The following ERC2 variants were observed in gnomAD, a reference collection of about 807,000 sequenced individuals.
The protein encoded by ERC2 is ELKS/RAB6-interacting/CAST family member 2.
In ERC2, 42 loss-of-function variants were observed where a neutral mutation model predicts 114.8. That is an observed-to-expected ratio of 0.37 (90% CI 0.29 to 0.47). The LOEUF (loss-of-function observed/expected upper bound fraction) is 0.47, where lower values mean the gene tolerates loss of function less well. Among genes scored for constraint, ERC2 ranks in the 20% least tolerant of loss-of-function variants. The pLI, the probability that ERC2 is intolerant of heterozygous loss-of-function variation, is 0.99. For missense variants in ERC2, 939 were observed against 1,150.7 expected, an observed-to-expected ratio of 0.82 and a Z score of 2.66; for synonymous variants, 454 against 425.5, an observed-to-expected ratio of 1.07 and a Z score of -0.82.
chr3:56,311,251 C>CTATATA (rs1223217065), intron 2 of ERC2, among the ~76,000 whole-genome samples: 1 of 42,778 alleles, frequency 2.3e-5, no homozygotes, highest in African/African-American at 7.4e-5. Context: ...CTCTCTCTCT[C>CTATATA]TCTCTATATA....
chr3:55,565,924 A>T (rs553990128), intron 17 of ERC2, among the ~76,000 whole-genome samples: 70 of 152,376 alleles, frequency 4.6e-4, no homozygotes, highest in Non-Finnish European at 7.6e-4. Context: ...TAAGTTTCAA[A>T]TCCAAAACTA....
intron 7 of ERC2, among the ~76,000 whole-genome samples, chr3:56,038,431 C>A (rs1320729278): frequency 6.6e-6 from 1 of 152,046 alleles, no homozygotes; most frequent in Non-Finnish European, 1.5e-5. Flanking sequence ...AATCAAGAAA[C>A]AACAGATGCT....
At chr3:55,979,792 T>A (rs926402482) in intron 12 of ERC2, among the ~76,000 whole-genome samples, 65 of 149,810 alleles carry the variant, frequency 4.3e-4, no homozygotes, top group Non-Finnish European at 1.6e-4. Flanking sequence ...AAAAAAAAAA[T>A]TCAATTAGCT....
intron 15 of ERC2, among the ~76,000 whole-genome samples, chr3:55,734,397 C>G (rs149006075): frequency 6.6e-6 from 1 of 152,152 alleles, no homozygotes; most frequent in South Asian, 2.1e-4. Context: ...ATGAGCAAGA[C>G]GGAAGGTAAC....
At chr3:55,805,685 T>C (rs1174856188) in intron 14 of ERC2, among the ~76,000 whole-genome samples, 1 of 151,900 alleles carries the variant, frequency 6.6e-6, no homozygotes, top group African/African-American at 2.4e-5. Context: ...ACAACAAAGA[T>C]AGAAGTTTAG....
At chr3:56,041,439 G>GA (rs1187269792) in intron 7 of ERC2, among the ~76,000 whole-genome samples, 1 of 152,162 alleles carries the variant, frequency 6.6e-6, no homozygotes, top group Non-Finnish European at 1.5e-5. Context: ...ACTTCTGGCA[G>GA]ATGTAAGACA....
chr3:56,292,360 G>T (rs900534987), intron 3 of ERC2, among the ~76,000 whole-genome samples: 4 of 150,128 alleles, frequency 2.7e-5, no homozygotes, highest in African/African-American at 9.8e-5. Flanking sequence ...GAGGCAGGCA[G>T]ATCGCTTGAG....
intron 10 of ERC2, among the ~76,000 whole-genome samples, chr3:56,006,471 C>A (rs76983730): frequency 0.039 from 5,927 of 152,050 alleles, 256 homozygotes; most frequent in African/African-American, 0.11. Flanking sequence ...AATGCTTAAA[C>A]TCATAATGTT....
At chr3:56,289,168 C>G (rs553996976) in intron 3 of ERC2, among the ~76,000 whole-genome samples, 2 of 152,064 alleles carry the variant, frequency 1.3e-5, no homozygotes, top group Non-Finnish European at 2.9e-5. Flanking sequence ...TGCTGACAAC[C>G]CTTGCCTGCC....
At chr3:55,641,057 C>T (rs924563184) in intron 17 of ERC2, among the ~76,000 whole-genome samples, 1 of 152,144 alleles carries the variant, frequency 6.6e-6, no homozygotes, top group African/African-American at 2.4e-5. Flanking sequence ...GTCCATACTG[C>T]TATATAAGCA....
chr3:55,700,703 A>G (rs2063179987), intron 15 of ERC2, among the ~76,000 whole-genome samples: 1 of 151,928 alleles, frequency 6.6e-6, no homozygotes, highest in Non-Finnish European at 1.5e-5. Context: ...AAACTATTTA[A>G]TCTAGGAGCC....
chr3:56,463,583 T>C (rs2107584453), intron 1 of ERC2, among the ~76,000 whole-genome samples: 1 of 152,338 alleles, frequency 6.6e-6, no homozygotes, highest in South Asian at 2.1e-4. Flanking sequence ...CAATATTAAA[T>C]ATCTTATGGA....
At chr3:56,301,103 G>A (rs746686775) in intron 2 of ERC2, among the ~76,000 whole-genome samples, 45 of 151,902 alleles carry the variant, frequency 3.0e-4, no homozygotes, top group Non-Finnish European at 1.6e-4. Flanking sequence ...GAAAGAATTA[G>A]CCATCCTAAC....
chr3:55,743,576 C>T (rs1217685384), intron 14 of ERC2, among the ~76,000 whole-genome samples: 28 of 116,196 alleles, frequency 2.4e-4, no homozygotes, highest in Non-Finnish European at 4.9e-5. Flanking sequence ...TTGCTCATTA[C>T]TATGTGCCTG....
At chr3:55,680,404 A>G (rs1048326980) in intron 17 of ERC2, among the ~76,000 whole-genome samples, 3 of 152,188 alleles carry the variant, frequency 2.0e-5, no homozygotes, top group East Asian at 3.8e-4. Context: ...TGCCTACCTC[A>G]TTGATGTTCG....
At chr3:56,359,246 T>G (rs1182231499) in intron 2 of ERC2, among the ~76,000 whole-genome samples, 1 of 152,192 alleles carries the variant, frequency 6.6e-6, no homozygotes, top group Non-Finnish European at 1.5e-5. Flanking sequence ...CTTCTCAATT[T>G]CCTTTTTCCT....
intron 3 of ERC2, among the ~76,000 whole-genome samples, chr3:56,289,166 AC>A (rs1275960918): frequency 6.6e-6 from 1 of 151,702 alleles, no homozygotes; most frequent in Non-Finnish European, 1.5e-5. Flanking sequence ...CCTGCTGACA[AC>A]CCTTGCCTGC....
chr3:55,640,679 G>A lies in ERC2; in HGVS notation c.*39+43115C>T, dbSNP rs554644873. Reference sequence around the variant, plus strand: ...TGAGAGGGGACAGAAGACCATATGAGAAAGTAGAAGACAAACATCCTGATT... The same window carrying A: ...TGAGAGGGGACAGAAGACCATATGAAAAAGTAGAAGACAAACATCCTGATT... On this transcript the variant is annotated intron_variant, in intron 17 of 17. Coordinates refer to ENST00000288221, the MANE Select transcript of ERC2 (RefSeq NM_015576.3). Among the ~76,000 whole-genome samples the A allele has an allele frequency of 5.3e-5, 8 of 152,296 alleles. No individual in the cohort carries two copies. The South Asian group carries it at 1.7e-3, about 32-fold the overall frequency.
chr3:56,218,885 A>G (rs555790363), intron 3 of ERC2, among the ~76,000 whole-genome samples: 1 of 152,264 alleles, frequency 6.6e-6, no homozygotes, highest in Non-Finnish European at 1.5e-5. Context: ...AAACTATCGC[A>G]AGGACAAAAA....
Sources: gnomAD v4.1 joint callset for allele counts (sites outside exome capture counted in the v4.1 genomes callset) on GRCh38, gnomAD v4.1.1 for gene constraint, MANE v1.5 for transcripts, NCBI Gene and HGNC (gene_info 2026-07-23, HGNC 2026-07-21) for gene names.